LRMDA: variants seen among roughly 807,000 people sequenced by gnomAD.
LRMDA encodes the protein leucine-rich melanocyte differentiation-associated protein.
LRMDA carries 18 observed loss-of-function variants against 29.8 expected under a neutral mutation model. That is an observed-to-expected ratio of 0.60 (90% confidence interval 0.42 to 0.90). The LOEUF (loss-of-function observed/expected upper bound fraction) is 0.90, where lower values mean the gene tolerates loss of function less well. Among genes scored for constraint, LRMDA ranks in the 40% least tolerant of loss-of-function variants. The probability of loss-of-function intolerance (pLI) is 0.00; values close to 1 mark genes in which losing one functional copy is unlikely to be tolerated. For synonymous variants in LRMDA, 125 were observed against 109.4 expected, an observed-to-expected ratio of 1.14 and a Z score of -0.89; for missense variants, 273 against 273.9, an observed-to-expected ratio of 1.00 and a Z score of 0.02.
intron 5 of LRMDA, among the ~76,000 whole-genome samples, chr10:76,261,642 C>T (rs1839945251): frequency 6.6e-6 from 1 of 152,176 alleles, no homozygotes; most frequent in Admixed American, 6.5e-5. Context: ...GTTATTTAAA[C>T]TCACTTCTCA....
At chr10:75,692,565 G>A (rs1228517431) in intron 2 of LRMDA, among the ~76,000 whole-genome samples, 1 of 1,294 alleles carries the variant, frequency 7.7e-4, no homozygotes, top group Admixed American at 9.4e-3. Flanking sequence ...ATATGTATAC[G>A]TGTGTGTGTG....
chr10:76,421,181 G>A (rs1842068487), intron 6 of LRMDA, among the ~76,000 whole-genome samples: 1 of 152,020 alleles, frequency 6.6e-6, no homozygotes, highest in Admixed American at 6.6e-5. Flanking sequence ...TAGTTCTGTT[G>A]ATTTTTGTTT....
chr10:75,927,236 T>C (rs1846134400), intron 2 of LRMDA, among the ~76,000 whole-genome samples: 1 of 152,362 alleles, frequency 6.6e-6, no homozygotes, highest in Non-Finnish European at 1.5e-5. Context: ...AATGTGTTTC[T>C]CTAGAATTTC....
chr10:75,618,378 C>CTATATA (rs1442553253), intron 2 of LRMDA, among the ~76,000 whole-genome samples: 2 of 62,614 alleles, frequency 3.2e-5, no homozygotes, highest in African/African-American at 1.1e-4. Flanking sequence ...CTCTCTCTCT[C>CTATATA]TCTCTATATA....
At chr10:75,952,964 A>G (rs1280879122) in intron 2 of LRMDA, among the ~76,000 whole-genome samples, 3 of 151,680 alleles carry the variant, frequency 2.0e-5, no homozygotes, top group African/African-American at 4.8e-5. Context: ...CATGTTGGCC[A>G]GGCTGGTCTT....
At chr10:75,841,669 G>A (rs752462189) in intron 2 of LRMDA, among the ~76,000 whole-genome samples, 12 of 152,210 alleles carry the variant, frequency 7.9e-5, no homozygotes, top group Non-Finnish European at 1.5e-4. Flanking sequence ...CAAGCACCCT[G>A]TAGGTGATCA....
intron 2 of LRMDA, among the ~76,000 whole-genome samples, chr10:75,886,085 C>A (rs1439954705): frequency 6.6e-6 from 1 of 152,240 alleles, no homozygotes; most frequent in African/African-American, 2.4e-5. Context: ...TGCTTTCCTT[C>A]CACCCCTAAG....
chr10:75,982,279 T>C (rs1407240606), intron 2 of LRMDA, among the ~76,000 whole-genome samples: 1 of 152,196 alleles, frequency 6.6e-6, no homozygotes, highest in Non-Finnish European at 1.5e-5. Context: ...GGTTTTCAGA[T>C]TGCCTCTGTC....
Position 75,725,219 on chromosome 10 carries a change from G to T in LRMDA, c.131+286725G>T, listed in dbSNP as rs1291359854. On this transcript the variant is annotated intron_variant, in intron 2 of 6. Coordinates refer to ENST00000611255, the MANE Select transcript of LRMDA (RefSeq NM_001305581.2). The stretch of plus-strand genomic sequence containing the variant: ...CAATCCCCTTTTTTCCCAAAGGCCA[G>T]TGCCACTTTTATTGTTGTTCTTTCA... Among the ~76,000 whole-genome samples, 6 of 152,148 alleles carry T rather than the reference G, an allele frequency of 3.9e-5. No individual in the cohort carries two copies. In the East Asian group the frequency reaches 1.2e-3, roughly 29 times the overall value.
intron 2 of LRMDA, among the ~76,000 whole-genome samples, chr10:75,832,186 C>T (rs1366498352): frequency 6.6e-6 from 1 of 152,168 alleles, no homozygotes; most frequent in Non-Finnish European, 1.5e-5. Flanking sequence ...CTCTGTTTCC[C>T]TTTTAAAACT....
intron 2 of LRMDA, among the ~76,000 whole-genome samples, chr10:75,808,382 T>C (rs1241168679): frequency 6.6e-6 from 1 of 152,222 alleles, no homozygotes; most frequent in East Asian, 1.9e-4. Flanking sequence ...TATGAAAGCA[T>C]GTTTTGTGAG....
chr10:75,589,765 AAT>A (rs111822600), intron 2 of LRMDA, among the ~76,000 whole-genome samples: 3 of 144,808 alleles, frequency 2.1e-5, no homozygotes, highest in Non-Finnish European at 3.0e-5. Flanking sequence ...GTCTAAAAAA[AAT>A]ATATATATAT....
At chr10:76,133,098 A>G (rs1850028370) in intron 5 of LRMDA, among the ~76,000 whole-genome samples, 1 of 150,708 alleles carries the variant, frequency 6.6e-6, no homozygotes, top group East Asian at 2.0e-4. Context: ...TGGGATTACA[A>G]GCGTGAGCCA....
intron 2 of LRMDA, among the ~76,000 whole-genome samples, chr10:75,872,909 T>C (rs762043172): frequency 6.6e-5 from 10 of 152,154 alleles, no homozygotes; most frequent in Non-Finnish European, 1.5e-4. Context: ...AGACAATAAG[T>C]GTATTCAGGG....
At chr10:75,659,325 C>CA (rs1026142253) in intron 2 of LRMDA, among the ~76,000 whole-genome samples, 13 of 152,164 alleles carry the variant, frequency 8.5e-5, no homozygotes, top group Non-Finnish European at 1.9e-4. Flanking sequence ...GTTTTCTCCC[C>CA]TTCTCTCTGT....
At chr10:75,625,811 T>C (rs1320179878) in intron 2 of LRMDA, among the ~76,000 whole-genome samples, 3 of 152,136 alleles carry the variant, frequency 2.0e-5, no homozygotes, top group Admixed American at 1.3e-4. Context: ...AAGACATCCA[T>C]GTTTTTCTTT....
chr10:75,759,628 C>T (rs1843071755), intron 2 of LRMDA, among the ~76,000 whole-genome samples: 2 of 152,128 alleles, frequency 1.3e-5, no homozygotes, highest in South Asian at 4.1e-4. Context: ...ATGAACATAG[C>T]TATTACAGTA....
intron 6 of LRMDA, among the ~76,000 whole-genome samples, chr10:76,367,702 C>A (rs890314713): frequency 6.6e-6 from 1 of 152,130 alleles, no homozygotes; most frequent in Admixed American, 6.5e-5. Flanking sequence ...CCTGCCTCGG[C>A]CTCCCAAAGT....
intron 2 of LRMDA, among the ~76,000 whole-genome samples, chr10:75,519,222 A>C (rs556796104): frequency 6.6e-6 from 1 of 152,096 alleles, no homozygotes; most frequent in Non-Finnish European, 1.5e-5. Context: ...ATTAGGTCCA[A>C]TTGGTCCAGA....
Sources: gnomAD v4.1 joint callset for allele counts (sites outside exome capture counted in the v4.1 genomes callset) on GRCh38, gnomAD v4.1.1 for gene constraint, MANE v1.5 for transcripts, NCBI Gene and HGNC (gene_info 2026-07-23, HGNC 2026-07-21) for gene names.